Variants in RBBP8 observed in about 807,000 individuals in gnomAD.
The protein encoded by RBBP8 is DNA endonuclease RBBP8.
RBBP8 carries 88 observed loss-of-function variants against 108.3 expected under a neutral mutation model. That is an observed-to-expected ratio of 0.81 (90% CI 0.68 to 0.97). The LOEUF is 0.97. Among genes scored for constraint, RBBP8 ranks in the 50% least tolerant of loss-of-function variants. RBBP8 has a pLI of 0.00. For missense variants in RBBP8, 1,023 were observed against 1,049.0 expected, an observed-to-expected ratio of 0.98 and a Z score of 0.34; for synonymous variants, 332 against 348.2, an observed-to-expected ratio of 0.95 and a Z score of 0.52.
At chr18:23,002,482 CCAGA>C (rs1238483962) in intron 15 of RBBP8, among the ~76,000 whole-genome samples, 1 of 152,112 alleles carries the variant, frequency 6.6e-6, no homozygotes, top group Middle Eastern at 3.2e-3. Context: ...CTTTATCTTA[CCAGA>C]CAAAATACCT....
intron 16 of RBBP8, among the ~76,000 whole-genome samples, chr18:23,013,323 T>G (rs1051849755): frequency 1.3e-5 from 2 of 152,002 alleles, no homozygotes; most frequent in African/African-American, 4.8e-5. Context: ...GAATGGAGAT[T>G]GGTTGGGTTG....
chr18:22,986,977 A>G (rs1379957917), intron 8 of RBBP8, among the ~76,000 whole-genome samples: 1 of 152,188 alleles, frequency 6.6e-6, no homozygotes, highest in Non-Finnish European at 1.5e-5. Context: ...TATCTTCCTT[A>G]TACAGTATCT....
intron 4 of RBBP8, among the ~76,000 whole-genome samples, chr18:22,959,870 CT>C (rs35259762): frequency 0.024 from 2,091 of 86,400 alleles, 29 homozygotes; most frequent in African/African-American, 0.076. Flanking sequence ...GATGAACTTT[CT>C]TTTTTTTTTT....
At chr18:23,014,245 T>C (rs1410018938) in intron 16 of RBBP8, among the ~76,000 whole-genome samples, 1 of 152,092 alleles carries the variant, frequency 6.6e-6, no homozygotes, top group African/African-American at 2.4e-5. Context: ...TCATGCCCGC[T>C]AACACGTATC....
In RBBP8 at chr18:22,945,690, A is replaced by G. The variant is rs1300229438; in HGVS notation, c.110-754A>G. Among the ~76,000 whole-genome samples the G allele has an allele frequency of 2.6e-5, 4 of 152,306 alleles. No homozygotes were observed. The East Asian group carries it at 7.7e-4, about 29-fold the overall frequency. ...TGAATCACCGTGCCCAGCCGATTAA[A>G]TAACATTTTTAAATCAATATTGGGT... is the stretch of plus-strand genomic sequence containing the variant. On this transcript the variant is annotated intron_variant, in intron 2 of 18. Transcript: ENST00000327155.
chr18:22,936,663 A>G lies in RBBP8; in HGVS notation c.-98-91A>G. 6.4e-6 allele frequency: 4 copies of G among 620,822 alleles called. No homozygotes were observed. The East Asian group carries it at 1.2e-4, about 18-fold the overall frequency. The allele number at this position is 620,822 out of a possible 1,614,324, so 38.5% of individuals were successfully genotyped here. On this transcript the variant is annotated intron_variant, in intron 1 of 18. Transcript: ENST00000327155. Reference sequence around the variant, plus strand: ...ATTATAGGTAAATAAGGAAATGGTAAATGAGGATATCTGGGCTTGTGTTTC... The same window carrying G: ...ATTATAGGTAAATAAGGAAATGGTAGATGAGGATATCTGGGCTTGTGTTTC...
chr18:22,983,040 G>A (rs916723485), intron 7 of RBBP8, among the ~76,000 whole-genome samples: 5 of 152,268 alleles, frequency 3.3e-5, no homozygotes, highest in Middle Eastern at 3.4e-3. Context: ...TCAAGAAATG[G>A]TGTTATAATA....
At chr18:22,962,701 A>AC (rs201323792) in intron 4 of RBBP8, among the ~76,000 whole-genome samples, 1,688 of 77,784 alleles carry the variant, frequency 0.022, 45 homozygotes, top group African/African-American at 0.073. Context: ...CCTCCTCTCC[A>AC]CCCCCCCTAC....
upstream of RBBP8, among the ~76,000 whole-genome samples, chr18:22,930,411 G>T (rs1034098381): frequency 6.6e-6 from 1 of 152,122 alleles, no homozygotes; most frequent in African/African-American, 2.4e-5. Context: ...GAAAAAGTTT[G>T]GGAAGTACTG....
chr18:22,958,104 T>G (rs187302415), intron 4 of RBBP8, among the ~76,000 whole-genome samples: 12 of 152,360 alleles, frequency 7.9e-5, no homozygotes, highest in African/African-American at 2.6e-4. Flanking sequence ...CATCTGCCTT[T>G]GATGAGCTGA....
intron 16 of RBBP8, among the ~76,000 whole-genome samples, chr18:23,014,660 T>C (rs751453235): frequency 1.3e-5 from 2 of 152,020 alleles, no homozygotes; most frequent in African/African-American, 2.4e-5. Context: ...TAATAATGAA[T>C]AAAATAAAAT....
intron 3 of RBBP8, among the ~76,000 whole-genome samples, chr18:22,921,451 T>C (rs914413245): frequency 6.6e-6 from 1 of 152,220 alleles, no homozygotes; most frequent in East Asian, 1.9e-4. Flanking sequence ...GAGAAGCTCC[T>C]AGGACAGAAA....
chr18:22,914,856 G>A (rs1168199103), intron 1 of RBBP8, among the ~76,000 whole-genome samples: 1 of 152,166 alleles, frequency 6.6e-6, no homozygotes. Flanking sequence ...AAAAGCACTT[G>A]CTGAGCTGAA....
chr18:22,944,318 G>A (rs1431121167), intron 2 of RBBP8, among the ~76,000 whole-genome samples: 1 of 152,116 alleles, frequency 6.6e-6, no homozygotes, highest in Admixed American at 6.5e-5. Context: ...ATTTTCTTTT[G>A]AAGTTTATAT....
intron 8 of RBBP8, among the ~76,000 whole-genome samples, chr18:22,985,429 T>C (rs548380969): frequency 3.3e-5 from 5 of 152,256 alleles, no homozygotes; most frequent in South Asian, 2.1e-4. Flanking sequence ...GATGTTTGCA[T>C]AGGGACTGAG....
chr18:22,960,054 A>G (rs1477092392), intron 4 of RBBP8, among the ~76,000 whole-genome samples: 2 of 150,358 alleles, frequency 1.3e-5, no homozygotes, highest in East Asian at 2.0e-4. Flanking sequence ...ACCACGCCCA[A>G]CTAACTTTTT....
intron 3 of RBBP8, among the ~76,000 whole-genome samples, chr18:22,925,980 C>G (rs1214149495): frequency 6.6e-6 from 1 of 152,054 alleles, no homozygotes; most frequent in African/African-American, 2.4e-5. Flanking sequence ...CTTTTAAGTG[C>G]CAGGGTTAGA....
intron 8 of RBBP8, among the ~76,000 whole-genome samples, chr18:22,985,799 C>G (rs1915285981): frequency 6.6e-6 from 1 of 151,914 alleles, no homozygotes. Flanking sequence ...GATGGAGACA[C>G]ATATGGAGGT....
Position 22,982,305 on chromosome 18 carries a change from C to A in RBBP8, c.516C>A (p.Gly172=). ...CGATAACAGCCTTCTCATTTTCTGG[C>A]GTTAACCGGCTACGAAGAAAGGAGA... The part of the protein sequence containing the change: ...DSPITAFSFS[G]VNRLRRKENP... The change falls in exon 7 of 19, where the codon GGC becomes GGA. Residue 172 remains glycine (G), a synonymous_variant. Transcript: ENST00000327155. 6.2e-7 allele frequency: 1 copy of A among 1,614,142 alleles called. No individual in the cohort carries two copies. Among genetic ancestry groups the A allele is most frequent in the South Asian group, 1.1e-5 (1 of 91,080 alleles).
Sources: allele counts gnomAD v4.1 joint callset (sites outside exome capture counted in the v4.1 genomes callset), GRCh38; gene constraint gnomAD v4.1.1; transcripts MANE v1.5; gene names NCBI Gene and HGNC (gene_info 2026-07-23, HGNC 2026-07-21).